Variants in ILDR2 observed in about 807,000 individuals in gnomAD.
ILDR2 encodes the protein immunoglobulin like domain containing receptor 2.
ILDR2 carries 25 observed loss-of-function variants against 66.8 expected under a neutral mutation model. The observed-to-expected ratio is 0.37, with a 90% CI of 0.27 to 0.52. The LOEUF is 0.52. ILDR2 is among the 20% of genes least tolerant of loss of function. The pLI is 0.88. For synonymous variants in ILDR2, 367 were observed against 357.2 expected, an observed-to-expected ratio of 1.03 and a Z score of -0.31; for missense variants, 827 against 876.8, an observed-to-expected ratio of 0.94 and a Z score of 0.72.
intron 6 of ILDR2, among the ~76,000 whole-genome samples, chr1:166,934,648 C>T (rs1660836967): frequency 6.6e-6 from 1 of 152,206 alleles, no homozygotes; most frequent in Admixed American, 6.5e-5. Flanking sequence ...CTTCTACCTT[C>T]TTCCAGTCAA....
At chr1:166,947,850 G>A (rs1661725971) in intron 3 of ILDR2, among the ~76,000 whole-genome samples, 3 of 152,142 alleles carry the variant, frequency 2.0e-5, no homozygotes, top group Admixed American at 2.0e-4. Flanking sequence ...ATAGTGAGGC[G>A]GAATAAAGGC....
chr1:166,900,845 T>C (rs1013525060), intron 2 of ILDR2, among the ~76,000 whole-genome samples: 1 of 152,248 alleles, frequency 6.6e-6, no homozygotes, highest in Admixed American at 6.5e-5. Flanking sequence ...TGGGTAGTTC[T>C]AAGTTACCGT....
At chr1:166,901,973 G>A (rs745401776) in intron 2 of ILDR2, among the ~76,000 whole-genome samples, 4 of 152,178 alleles carry the variant, frequency 2.6e-5, no homozygotes, top group African/African-American at 7.2e-5. Flanking sequence ...CGATTCTCCC[G>A]CCTCAGCCTC....
intron 7 of ILDR2, 29 bp downstream of exon 7, chr1:166,927,038 C>T: frequency 6.6e-7 from 1 of 1,508,208 alleles, no homozygotes; most frequent in Non-Finnish European, 9.2e-7. Context: ...GCATAATGCA[C>T]AGATCACAGA....
chr1:166,959,440 G>A (rs1662480315), intron 1 of ILDR2, among the ~76,000 whole-genome samples: 1 of 152,196 alleles, frequency 6.6e-6, no homozygotes, highest in African/African-American at 2.4e-5. Context: ...AGGAGGAAGT[G>A]ACTTCCCTTC....
intron 1 of ILDR2, among the ~76,000 whole-genome samples, chr1:166,968,308 T>G (rs1663081394): frequency 6.6e-6 from 1 of 152,126 alleles, no homozygotes; most frequent in Non-Finnish European, 1.5e-5. Flanking sequence ...CCCATCCCAC[T>G]CTTCTCTGGC....
chr1:166,968,372 T>C (rs565515530), intron 1 of ILDR2, among the ~76,000 whole-genome samples: 1 of 152,228 alleles, frequency 6.6e-6, no homozygotes, highest in East Asian at 1.9e-4. Flanking sequence ...TCTAGAAGCT[T>C]CTTCCTGTTC....
chr1:166,934,629 C>T (rs370681892), intron 6 of ILDR2, among the ~76,000 whole-genome samples: 112 of 152,302 alleles, frequency 7.4e-4, no homozygotes, highest in Non-Finnish European at 1.3e-3. Context: ...AGTCTGGCTC[C>T]GTCGTATCCT....
At chr1:166,925,266 G>C (rs1005070318) in intron 7 of ILDR2, among the ~76,000 whole-genome samples, 1 of 152,180 alleles carries the variant, frequency 6.6e-6, no homozygotes, top group African/African-American at 2.4e-5. Context: ...AGATTGCCCA[G>C]TTCCATGATC....
At position 166,912,680 on chromosome 1, in the gene ILDR2, G is replaced by C. The variant is rs561695427; in HGVS notation, c.*6675C>G. 2.6e-5 allele frequency: 4 copies of C among 152,302 alleles called. No homozygotes were observed. The East Asian group carries it at 7.7e-4, about 29-fold the overall frequency. 9.4% of individuals were successfully genotyped at this position (152,302 alleles called of 1,614,324 possible). A position where few individuals can be genotyped will look rare whatever the true frequency, so the allele number is the denominator to read the frequency against. On this transcript the variant is annotated 3_prime_UTR_variant, in exon 10 of 10. Coordinates refer to ENST00000271417, the MANE Select transcript of ILDR2 (RefSeq NM_199351.3). ...GGCCACTAAAATCTGGAATTCCCTT[G>C]AGAGGGCTTAGCCATCCAAAACAGG... is the stretch of plus-strand genomic sequence containing the variant.
chr1:166,907,008 C>T (rs2101815597), downstream of ILDR2: 1 of 152,390 alleles, frequency 6.6e-6, no homozygotes, highest in African/African-American at 2.4e-5. Context: ...GCCAGACTGC[C>T]CTCTACCAAA....
chr1:166,912,826 C>T lies in ILDR2; in HGVS notation c.*6529G>A, dbSNP rs906032001. 2.6e-5 allele frequency: 4 copies of T among 152,218 alleles called. No individual in the cohort carries two copies. The highest frequency in any genetic ancestry group is 1.3e-4 in the Admixed American group (2 of 15,284). 9.4% of individuals were successfully genotyped at this position (152,218 alleles called of 1,614,324 possible). On this transcript the variant is annotated 3_prime_UTR_variant, in exon 10 of 10. Coordinates refer to ENST00000271417, the MANE Select transcript of ILDR2 (RefSeq NM_199351.3). Reference sequence around the variant, plus strand: ...TAACAGAACTTGAAATGTCCTCCCACGAATAGCTTCCTTCCTCCCTTCCCC... The same window carrying T: ...TAACAGAACTTGAAATGTCCTCCCATGAATAGCTTCCTTCCTCCCTTCCCC...
At chr1:166,948,463 C>T (rs1449268906) in intron 3 of ILDR2, among the ~76,000 whole-genome samples, 1 of 152,200 alleles carries the variant, frequency 6.6e-6, no homozygotes, top group Non-Finnish European at 1.5e-5. Flanking sequence ...ATCAAATGGC[C>T]TGGCCTGTGT....
intron 3 of ILDR2, among the ~76,000 whole-genome samples, chr1:166,944,115 C>T (rs750208213): frequency 9.9e-5 from 15 of 152,092 alleles, no homozygotes; most frequent in South Asian, 8.3e-4. Flanking sequence ...TCACACGCTT[C>T]GGATTAAATG....
rs770848463 is a variant in ILDR2 at position 166,932,360 on chromosome 1, C to T, written c.880+2941G>A. Reference sequence around the variant, plus strand: ...GAAAGGAAACATTTAATATTCAAAACTCTTTCAAGGAGTTTGGCTGTGAAG... The same window carrying T: ...GAAAGGAAACATTTAATATTCAAAATTCTTTCAAGGAGTTTGGCTGTGAAG... On this transcript the variant is annotated intron_variant, in intron 6 of 9. Coordinates refer to ENST00000271417, the MANE Select transcript of ILDR2 (RefSeq NM_199351.3). 1.3e-5 allele frequency among the ~76,000 whole-genome samples: 2 copies of T among 152,180 alleles called. 1 individual carries two copies. Among genetic ancestry groups the T allele is most frequent in the African/African-American group, 4.8e-5 (2 of 41,444 alleles).
chr1:166,928,366 G>C (rs901438803), intron 6 of ILDR2, among the ~76,000 whole-genome samples: 5 of 152,180 alleles, frequency 3.3e-5, no homozygotes, highest in Non-Finnish European at 5.9e-5. Flanking sequence ...TGCCTCTCTA[G>C]AGTCTAAGAA....
rs1269577402 is a variant in ILDR2 at position 166,956,721 on chromosome 1, G to A, written c.499+12C>T. ...GTCTAAGATGAAAATGTCACCTGTT[G>A]TTTTCACTTACCCAACACCAGCAGT... is the stretch of plus-strand genomic sequence containing the variant. On this transcript the variant is annotated intron_variant, in intron 3 of 9. Coordinates refer to ENST00000271417, the MANE Select transcript of ILDR2 (RefSeq NM_199351.3). 3 of 1,612,948 alleles carry A rather than the reference G, an allele frequency of 1.9e-6. No individual in the cohort carries two copies. The highest frequency in any genetic ancestry group is 1.7e-6 in the Non-Finnish European group (2 of 1,179,634).
In ILDR2 at chr1:166,917,700, GAATGCACC is replaced by G. The variant is rs1457031599; in HGVS notation, c.*1647_*1654del. On this transcript the variant is annotated 3_prime_UTR_variant, in exon 10 of 10. Coordinates refer to ENST00000271417, the MANE Select transcript of ILDR2 (RefSeq NM_199351.3). ...GTTCTTAAAGAGAAATGAACATAAA[GAATGCACC>G]AACTTCTCACGCCTCGAGTAGGAAT... 6.6e-6 allele frequency: 1 copy of G among 152,244 alleles called. No homozygotes were observed. The highest frequency in any genetic ancestry group is 1.5e-5 in the Non-Finnish European group (1 of 68,070). 9.4% of individuals were successfully genotyped at this position (152,244 alleles called of 1,614,324 possible). A position where few individuals can be genotyped will look rare whatever the true frequency, so the allele number is the denominator to read the frequency against.
chr1:166,935,680 A>G (rs1660929037), intron 5 of ILDR2, among the ~76,000 whole-genome samples: 1 of 152,168 alleles, frequency 6.6e-6, no homozygotes, highest in Non-Finnish European at 1.5e-5. Flanking sequence ...ACCAAACGGC[A>G]ACGACAAAAG....
Sources: gnomAD v4.1 joint callset for allele counts (sites outside exome capture counted in the v4.1 genomes callset) on GRCh38, gnomAD v4.1.1 for gene constraint, MANE v1.5 for transcripts, NCBI Gene and HGNC (gene_info 2026-07-23, HGNC 2026-07-21) for gene names.